The following PLCG2 variants were observed in gnomAD, a reference collection of about 807,000 sequenced individuals.
The protein encoded by PLCG2 is 1-phosphatidylinositol 4,5-bisphosphate phosphodiesterase gamma-2.
PLCG2 carries 69 observed loss-of-function variants against 175.6 expected under a neutral mutation model. The observed-to-expected ratio is 0.39, with a 90% confidence interval of 0.32 to 0.48. PLCG2 has a LOEUF of 0.48. Among genes scored for constraint, PLCG2 ranks in the 20% least tolerant of loss-of-function variants. PLCG2 has a pLI of 0.91. For synonymous variants in PLCG2, 827 were observed against 624.0 expected (o/e 1.33, Z -4.85); for missense variants, 1,798 against 1,650.9 (o/e 1.09, Z -1.54).
intron 20 of PLCG2, among the ~76,000 whole-genome samples, chr16:81,920,441 G>T (rs1910014258): frequency 6.6e-6 from 1 of 152,322 alleles, no homozygotes. Context: ...TTTTCAGGTA[G>T]CATGAAATAT....
chr16:81,749,571 C>G (rs1006347038), intron 1 of PLCG2, among the ~76,000 whole-genome samples: 3 of 152,164 alleles, frequency 2.0e-5, no homozygotes, highest in African/African-American at 7.2e-5. Flanking sequence ...CCAGGCTTGT[C>G]TCAAACTCCT....
chr16:81,948,973 C>T (rs932466719), intron 31 of PLCG2, among the ~76,000 whole-genome samples: 2 of 152,108 alleles, frequency 1.3e-5, no homozygotes. Context: ...TCAAAGACAT[C>T]CAAGGAGAGC....
intron 7 of PLCG2, among the ~76,000 whole-genome samples, chr16:81,879,643 T>C (rs1907982916): frequency 6.6e-6 from 1 of 152,180 alleles, no homozygotes; most frequent in South Asian, 2.1e-4. Context: ...GTCGTTAGCA[T>C]TGATCATGTG....
At chr16:81,884,036 G>GC (rs779630917) in intron 9 of PLCG2, among the ~76,000 whole-genome samples, 10 of 152,202 alleles carry the variant, frequency 6.6e-5, no homozygotes, top group African/African-American at 9.6e-5. Context: ...GCACAGGGCA[G>GC]CCCCCCCTAC....
In PLCG2 at chr16:81,818,883, A is replaced by ATTTTTTTTTTTT. The variant is rs57346304; in HGVS notation, c.193+32714_193+32725dup. 1.0e-3 allele frequency among the ~76,000 whole-genome samples: 111 copies of ATTTTTTTTTTTT among 106,602 alleles called. 6 individuals carry two copies. Among genetic ancestry groups the ATTTTTTTTTTTT allele is most frequent in the African/African-American group, 4.0e-3 (100 of 24,942 alleles). 69.9% of individuals were successfully genotyped at this position (106,602 alleles called of 152,430 possible). A position where few individuals can be genotyped will look rare whatever the true frequency, so the allele number is the denominator to read the frequency against. On this transcript the variant is annotated intron_variant, in intron 2 of 32. Transcript: ENST00000564138. ...TCCATAAGCTAGTGTGGGCTCATGGATTTTTTTTTTTTTTTTTTTTTTTTA... is the reference window on the plus strand; with the variant it reads ...TCCATAAGCTAGTGTGGGCTCATGGATTTTTTTTTTTTTTTTTTTTTTTTTTTTTTTTTTTTA...
At chr16:81,945,969 G>A (rs1452459910) in intron 30 of PLCG2, among the ~76,000 whole-genome samples, 2 of 152,080 alleles carry the variant, frequency 1.3e-5, no homozygotes, top group African/African-American at 4.8e-5. Flanking sequence ...TTGCTTCCCT[G>A]TATGGACCAG....
chr16:81,824,477 G>T (rs1396807418), intron 2 of PLCG2, among the ~76,000 whole-genome samples: 2 of 152,160 alleles, frequency 1.3e-5, no homozygotes, highest in Non-Finnish European at 2.9e-5. Context: ...ACAGCCTCTG[G>T]GGTTGTGACT....
intron 1 of PLCG2, among the ~76,000 whole-genome samples, chr16:81,744,554 A>G (rs1909666237): frequency 6.6e-6 from 1 of 152,092 alleles, no homozygotes; most frequent in Non-Finnish European, 1.5e-5. Context: ...CACTCCATAA[A>G]TAGCAGTCAT....
In PLCG2 at chr16:81,927,147, C is replaced by T; in HGVS notation, c.2483C>T (p.Ser828Leu). Reference sequence around the variant, plus strand: ...CCATCCAACTACGTCGAGGACATCTCAACTGCAGACTTCGAGGAGCTAGAA... The same window carrying T: ...CCATCCAACTACGTCGAGGACATCTTAACTGCAGACTTCGAGGAGCTAGAA... ...YFPSNYVEDI[S>L]TADFEELEKQ... is the part of the protein sequence containing the mutation. Residue 828 changes from serine to leucine, a missense_variant, in exon 23 of 33, where the codon TCA becomes TTA. Coordinates refer to ENST00000564138, the MANE Select transcript of PLCG2 (RefSeq NM_002661.5). 10 of 1,613,324 alleles carry T rather than the reference C, an allele frequency of 6.2e-6. No homozygotes were observed. The highest frequency in any genetic ancestry group is 8.5e-6 in the Non-Finnish European group (10 of 1,179,202).
intron 31 of PLCG2, among the ~76,000 whole-genome samples, chr16:81,953,303 A>G (rs1911440725): frequency 6.6e-6 from 1 of 152,132 alleles, no homozygotes; most frequent in South Asian, 2.1e-4. Context: ...TTAGTATTGC[A>G]CCGATATTAA....
At position 81,934,468 on chromosome 16, in the gene PLCG2, G is replaced by A; in HGVS notation, c.2779G>A (p.Ala927Thr). The change falls in exon 26 of 33, where the codon GCC becomes ACC. Residue 927 changes from alanine to threonine, a missense_variant. Transcript: ENST00000564138. ...GTACTGGGAGAAGAACCAGTCCATC[G>A]CCATCGAGCTCTCTGACCTGGTTGT... The part of the protein sequence containing the change: ...MKYWEKNQSI[A>T]IELSDLVVYC... 2 of 1,613,492 alleles carry A rather than the reference G, an allele frequency of 1.2e-6. No homozygotes were observed. The highest frequency in any genetic ancestry group is 1.7e-6 in the Non-Finnish European group (2 of 1,179,600).
intron 2 of PLCG2, among the ~76,000 whole-genome samples, chr16:81,843,783 G>C (rs1293313576): frequency 6.6e-6 from 1 of 152,246 alleles, no homozygotes; most frequent in African/African-American, 2.4e-5. Flanking sequence ...CTGGTTGGTA[G>C]TTTGCTTGTC....
At chr16:81,917,938 G>T (rs1350075501) in intron 19 of PLCG2, among the ~76,000 whole-genome samples, 1 of 152,158 alleles carries the variant, frequency 6.6e-6, no homozygotes, top group Non-Finnish European at 1.5e-5. Flanking sequence ...GGCCAGGCTG[G>T]TATCGAACTC....
At chr16:81,929,939 G>A (rs530298767) in intron 24 of PLCG2, among the ~76,000 whole-genome samples, 5 of 152,190 alleles carry the variant, frequency 3.3e-5, no homozygotes, top group African/African-American at 1.2e-4. Flanking sequence ...CATTGGTTCT[G>A]AGTAGAAATC....
At chr16:81,743,478 C>T (rs1161504613) in intron 1 of PLCG2, among the ~76,000 whole-genome samples, 1 of 152,218 alleles carries the variant, frequency 6.6e-6, no homozygotes, top group Non-Finnish European at 1.5e-5. Context: ...GGTCAAAAGC[C>T]AGGAGGCTGG....
intron 1 of PLCG2, among the ~76,000 whole-genome samples, chr16:81,751,905 T>G (rs1388245079): frequency 6.6e-6 from 1 of 151,974 alleles, no homozygotes; most frequent in Non-Finnish European, 1.5e-5. Context: ...GTCTGTAATC[T>G]TAGCTACTCG....
intron 2 of PLCG2, among the ~76,000 whole-genome samples, chr16:81,803,032 G>T (rs1381935716): frequency 6.6e-6 from 1 of 151,588 alleles, no homozygotes; most frequent in Non-Finnish European, 1.5e-5. Flanking sequence ...CCCCATCCCT[G>T]GCAATGACAA....
At chr16:81,776,236 G>A (rs1910403387), upstream of PLCG2, among the ~76,000 whole-genome samples, 2 of 150,874 alleles carry the variant, frequency 1.3e-5, no homozygotes, top group South Asian at 4.2e-4. Context: ...AGCCTCCTGA[G>A]TAGGTGGGAT....
At chr16:81,849,861 A>G (rs1906319173) in intron 2 of PLCG2, among the ~76,000 whole-genome samples, 1 of 152,054 alleles carries the variant, frequency 6.6e-6, no homozygotes, top group Admixed American at 6.5e-5. Context: ...AGACAGAAAG[A>G]GAAAAGAATG....
Sources: allele counts gnomAD v4.1 joint callset (sites outside exome capture counted in the v4.1 genomes callset), GRCh38; gene constraint gnomAD v4.1.1; transcripts MANE v1.5; gene names NCBI Gene and HGNC (gene_info 2026-07-23, HGNC 2026-07-21).